The following ZNF75D variants were observed in gnomAD, a reference collection of about 807,000 sequenced individuals.
ZNF75D encodes zinc finger protein 75.
In ZNF75D, 33 loss-of-function variants were observed where a neutral mutation model predicts 33.3. The observed-to-expected ratio is 0.99, with a 90% CI of 0.75 to 1.32. The LOEUF is 1.32. ZNF75D is among the 40% of genes most tolerant of loss of function. The pLI is 0.00. For synonymous variants in ZNF75D, 113 were observed against 130.6 expected, an observed-to-expected ratio of 0.87 and a Z score of 0.92; for missense variants, 338 against 367.5, an observed-to-expected ratio of 0.92 and a Z score of 0.66.
At chrX:135,283,038 TG>T (rs1332993207), downstream of ZNF75D, among the ~76,000 whole-genome samples, 86 of 112,178 alleles carry the variant, frequency 7.7e-4, no homozygotes, top group African/African-American at 2.6e-3. Flanking sequence ...AAATCTTTCT[TG>T]GCATTGCATA....
intron 1 of ZNF75D, among the ~76,000 whole-genome samples, chrX:135,261,728 G>A (rs1398043356): frequency 8.9e-6 from 1 of 111,818 alleles, no homozygotes; most frequent in Non-Finnish European, 1.9e-5. Context: ...ACAGCACACT[G>A]ATGGGTCTTG....
At chrX:135,280,577 T>G (rs941605389) in intron 1 of ZNF75D, among the ~76,000 whole-genome samples, 2 of 112,189 alleles carry the variant, frequency 1.8e-5, no homozygotes, top group Admixed American at 9.5e-5. Flanking sequence ...AGTTTCTTCA[T>G]AGTGTCGATG....
At chrX:135,260,984 C>T (rs1183836322) in intron 1 of ZNF75D, among the ~76,000 whole-genome samples, 7 of 112,320 alleles carry the variant, frequency 6.2e-5, no homozygotes, top group Non-Finnish European at 3.8e-5. Flanking sequence ...CTCACAGATT[C>T]TGGTATGTTG....
At chrX:135,265,434 T>C (rs1206245048) in intron 1 of ZNF75D, among the ~76,000 whole-genome samples, 1 of 110,184 alleles carries the variant, frequency 9.1e-6, no homozygotes, top group Non-Finnish European at 1.9e-5. Context: ...AGGTCAAATA[T>C]AAAGAAGGGA....
In ZNF75D at chrX:135,287,440, C is replaced by G; in HGVS notation, c.1230G>C (p.Lys410Asn). ...RRFRWSSDLN[K>N]HFMTHQGIKP... is the part of the protein sequence containing the mutation. ...TTATTCCTTGATGGGTCATGAAGTG[C>G]TTATTAAGATCTGAACTCCATCTAA... The change falls in exon 7 of 7, where the codon AAG (lysine) becomes AAC (asparagine). Residue 410 changes from lysine to asparagine, a missense_variant. Coordinates refer to ENST00000370766, the MANE Select transcript of ZNF75D (RefSeq NM_007131.5). 8.3e-7 allele frequency: 1 copy of G among 1,211,444 alleles called. No homozygotes were observed. Among genetic ancestry groups the G allele is most frequent in the Non-Finnish European group, 1.1e-6 (1 of 895,364 alleles).
intron 6 of ZNF75D, among the ~76,000 whole-genome samples, chrX:135,288,148 C>T (rs1325813970): frequency 8.9e-6 from 1 of 112,034 alleles, no homozygotes; most frequent in African/African-American, 3.2e-5. Flanking sequence ...TATCCCCACA[C>T]CCAACAGAAG....
chrX:135,283,295 A>G (rs1161867950), downstream of ZNF75D, among the ~76,000 whole-genome samples: 1 of 111,838 alleles, frequency 8.9e-6, no homozygotes, highest in African/African-American at 3.3e-5. Context: ...TGAACCCACA[A>G]TGGTAGGAAG....
rs1468129262 is a variant in ZNF75D, at chrX:135,343,643, G to A, written c.-2266C>T. On this transcript the variant is annotated 5_prime_UTR_variant, in exon 1 of 7. Transcript: ENST00000370766. Reference sequence around the variant, plus strand: ...GAACTTCCATAGTTTCCCTCTCACAGGAGGGGAACCTTTTCCGCTCGCGGG... The same window carrying A: ...GAACTTCCATAGTTTCCCTCTCACAAGAGGGGAACCTTTTCCGCTCGCGGG... 8.9e-6 allele frequency: 1 copy of A among 112,011 alleles called. No individual in the cohort carries two copies. Among genetic ancestry groups the A allele is most frequent in the Admixed American group, 9.4e-5 (1 of 10,681 alleles). 9.2% of individuals were successfully genotyped at this position (112,011 alleles called of 1,213,427 possible). A position where few individuals can be genotyped will look rare whatever the true frequency, so the allele number is the denominator to read the frequency against.
chrX:135,291,397 G>C, intron 5 of ZNF75D, 75 bp downstream of exon 5: 1 of 1,128,171 alleles, frequency 8.9e-7, no homozygotes, highest in Non-Finnish European at 1.2e-6. Context: ...GACACTATGA[G>C]TCCTAGGCAA....
chrX:135,249,205 C>T (rs1469501544), exon 4 of ZNF75D: 1 of 321,536 alleles, frequency 3.1e-6, no homozygotes, highest in Non-Finnish European at 6.0e-6. Flanking sequence ...CCTCCTGATG[C>T]TCCATGCAGA....
chrX:135,257,837 T>G (rs1269969527), intron 1 of ZNF75D, among the ~76,000 whole-genome samples: 1 of 111,660 alleles, frequency 9.0e-6, no homozygotes, highest in Admixed American at 9.5e-5. Flanking sequence ...TCATTATTAT[T>G]ATACTTTAAA....
chrX:135,330,339 C>T (rs999077254), intron 1 of ZNF75D: 2 of 111,253 alleles, frequency 1.8e-5, no homozygotes, highest in African/African-American at 6.5e-5. Flanking sequence ...ACCCCTGGGT[C>T]CACTTGGTTA....
At chrX:135,259,775 T>G (rs1556415186) in intron 1 of ZNF75D, among the ~76,000 whole-genome samples, 1 of 112,061 alleles carries the variant, frequency 8.9e-6, no homozygotes, top group Non-Finnish European at 1.9e-5. Context: ...CCTAATTGAA[T>G]ACCCTTTATT....
intron 1 of ZNF75D, among the ~76,000 whole-genome samples, chrX:135,304,175 G>C (rs782157324): frequency 3.8e-4 from 42 of 111,887 alleles, no homozygotes; most frequent in African/African-American, 1.4e-3. Context: ...CTGGCTGCCA[G>C]TGACTATGTC....
intron 1 of ZNF75D, among the ~76,000 whole-genome samples, chrX:135,257,922 A>G (rs2083813835): frequency 9.1e-6 from 1 of 109,689 alleles, no homozygotes; most frequent in Non-Finnish European, 1.9e-5. Context: ...TCAACTCATC[A>G]TTCACATTAG....
chrX:135,308,859 C>T (rs782326686), intron 1 of ZNF75D, among the ~76,000 whole-genome samples: 2 of 112,024 alleles, frequency 1.8e-5, no homozygotes, highest in African/African-American at 6.5e-5. Context: ...TCCATACCTG[C>T]GTCACCAGTG....
chrX:135,249,256 G>C (rs2083772009), exon 4 of ZNF75D: 3 of 304,896 alleles, frequency 9.8e-6, no homozygotes, highest in Admixed American at 6.5e-5. Context: ...AGCCATGACT[G>C]CTTGACTCCA....
intron 1 of ZNF75D, among the ~76,000 whole-genome samples, chrX:135,324,762 T>C (rs1273788818): frequency 8.9e-6 from 1 of 112,606 alleles, no homozygotes; most frequent in Non-Finnish European, 1.9e-5. Flanking sequence ...AGAACCAGAA[T>C]TGAGGTCATG....
intron 1 of ZNF75D, among the ~76,000 whole-genome samples, chrX:135,260,384 T>C (rs923720478): frequency 3.6e-4 from 40 of 111,398 alleles, no homozygotes; most frequent in Admixed American, 8.6e-4. Context: ...AGCTCCTCTT[T>C]GTACCTCTGG....
Sources: gnomAD v4.1 joint callset for allele counts (sites outside exome capture counted in the v4.1 genomes callset) on GRCh38, gnomAD v4.1.1 for gene constraint, MANE v1.5 for transcripts, NCBI Gene and HGNC (gene_info 2026-07-23, HGNC 2026-07-21) for gene names.